ZGPAT: variants seen among roughly 807,000 people sequenced by gnomAD.
ZGPAT encodes the protein zinc finger CCCH-type with G patch domain-containing protein.
Under a neutral mutation model 47.9 loss-of-function variants are expected in ZGPAT, and 39 were observed. The observed-to-expected ratio is 0.81, with a 90% CI of 0.63 to 1.06. The LOEUF is 1.06. ZGPAT is among the 50% of genes least tolerant of loss of function. ZGPAT has a pLI of 0.00. For missense variants in ZGPAT, 717 were observed against 681.4 expected (o/e 1.05, Z -0.58); for synonymous variants, 348 against 292.9 (o/e 1.19, Z -1.92).
chr20:63,714,043 G>A (rs377586504), intron 2 of ZGPAT, among the ~76,000 whole-genome samples: 56 of 152,156 alleles, frequency 3.7e-4, no homozygotes, highest in Non-Finnish European at 5.9e-4. Context: ...AGAGATAATT[G>A]TAGTCTTTGT....
At chr20:63,730,962 C>G (rs1029599616) in intron 2 of ZGPAT, among the ~76,000 whole-genome samples, 21 of 83,414 alleles carry the variant, frequency 2.5e-4, no homozygotes, top group African/African-American at 1.1e-3. Context: ...CTCTCTCTCT[C>G]TCTCTCTCTG....
chr20:63,727,057 C>A (rs978434206), intron 2 of ZGPAT, among the ~76,000 whole-genome samples: 1 of 152,076 alleles, frequency 6.6e-6, no homozygotes, highest in Non-Finnish European at 1.5e-5. Context: ...GGTGTACATT[C>A]TATGGACTTT....
Position 63,734,742 on chromosome 20 carries a change from C to G in ZGPAT, c.909C>G (p.Ser303Arg). The change falls in exon 5 of 7, where the codon AGC becomes AGG. Residue 303 changes from serine to arginine, a missense_variant. Ser to Arg is a moderately radical substitution (Grantham distance 110). Transcript: ENST00000355969. ...ATGCTGTGGACTCTGGGACCTGCAG[C>G]TCTGCCTTTGCTGGCTGGGAGGTGC... ...GSDAVDSGTC[S>R]SAFAGWEVHT... The G allele has an allele frequency of 6.2e-7, 1 of 1,614,062 alleles. No homozygotes were observed. Among genetic ancestry groups the G allele is most frequent in the Non-Finnish European group, 8.5e-7 (1 of 1,179,954 alleles).
intron 2 of ZGPAT, among the ~76,000 whole-genome samples, chr20:63,715,855 G>A (rs1288524318): frequency 6.6e-6 from 1 of 152,038 alleles, no homozygotes; most frequent in East Asian, 1.9e-4. Context: ...GAGAGAGAGA[G>A]AGATGGACTT....
intron 2 of ZGPAT, among the ~76,000 whole-genome samples, chr20:63,732,400 CTGTG>C (rs1182722077): frequency 3.3e-4 from 41 of 122,670 alleles, no homozygotes; most frequent in African/African-American, 1.3e-3. Flanking sequence ...GGGTGAGGGC[CTGTG>C]TGTGCGTGTG....
Position 63,708,723 on chromosome 20 carries a change from A to G in ZGPAT, c.143A>G (p.Glu48Gly). ...CAGGGGGACCTGAAGGAGCTCATCG[A>G]GCTCACCGAGGCCAGCCTGGTGTCT... ...QLQGDLKELIELTEASLVSVR... is the reference protein window; with the variant it reads ...QLQGDLKELIGLTEASLVSVR... Residue 48 changes from glutamate to glycine, a missense_variant, in exon 2 of 7, where the codon GAG (glutamate) becomes GGG (glycine). Coordinates refer to ENST00000355969, the MANE Select transcript of ZGPAT (RefSeq NM_181485.3). 1 of 1,612,650 alleles carries G rather than the reference A, an allele frequency of 6.2e-7. No individual in the cohort carries two copies. Among genetic ancestry groups the G allele is most frequent in the South Asian group, 1.1e-5 (1 of 91,080 alleles).
At chr20:63,724,707 T>A (rs576042864) in intron 2 of ZGPAT, among the ~76,000 whole-genome samples, 1 of 143,512 alleles carries the variant, frequency 7.0e-6, no homozygotes, top group East Asian at 2.0e-4. Context: ...AAAGTCTCAC[T>A]GTGTTGCCCA....
intron 5 of ZGPAT, 99 bp downstream of exon 5, chr20:63,734,923 C>A: frequency 7.0e-7 from 1 of 1,427,608 alleles, no homozygotes; most frequent in South Asian, 1.5e-5. Context: ...ATCGGGTTCC[C>A]AGGGTCCCGC....
chr20:63,726,688 A>G (rs548270454), intron 2 of ZGPAT, among the ~76,000 whole-genome samples: 1 of 147,604 alleles, frequency 6.8e-6, no homozygotes, highest in South Asian at 2.2e-4. Flanking sequence ...ACACCTGGCT[A>G]AATAATTTTT....
chr20:63,726,368 T>A (rs1270747788), intron 2 of ZGPAT, among the ~76,000 whole-genome samples: 2 of 150,696 alleles, frequency 1.3e-5, no homozygotes, highest in Non-Finnish European at 3.0e-5. Context: ...CCAGCTAATT[T>A]TTTTGTATTT....
chr20:63,731,388 T>A (rs947556287), intron 2 of ZGPAT, among the ~76,000 whole-genome samples: 1 of 151,242 alleles, frequency 6.6e-6, no homozygotes, highest in Non-Finnish European at 1.5e-5. Flanking sequence ...GTGTAAAGTG[T>A]ACAGTTGGCC....
Position 63,733,713 on chromosome 20 carries a change from G to C in ZGPAT, c.845G>C (p.Gly282Ala). The C allele has an allele frequency of 6.2e-6, 10 of 1,613,408 alleles. No homozygotes were observed. The highest frequency in any genetic ancestry group is 8.5e-6 in the Non-Finnish European group (10 of 1,179,704). ...ACAGAGTCCGACTCAGACAGCGACG[G>C]TACGGGTGACTCCAGCTATGCCAGA... ...EATESDSDSD[G>A]TGDSSYARVV... The change falls in exon 4 of 7, where the codon GGT becomes GCT. Residue 282 changes from glycine (G) to alanine (A), a missense_variant. Gly to Ala is a moderately conservative substitution (Grantham distance 60). Coordinates refer to ENST00000355969, the MANE Select transcript of ZGPAT (RefSeq NM_181485.3).
At chr20:63,710,880 C>T (rs770764697) in intron 2 of ZGPAT, among the ~76,000 whole-genome samples, 58 of 152,156 alleles carry the variant, frequency 3.8e-4, no homozygotes, top group Non-Finnish European at 6.3e-4. Context: ...TTTCCCTAAG[C>T]GCATAGCTTT....
intron 1 of ZGPAT, 62 bp downstream of exon 1, chr20:63,708,180 G>A (rs2091588847): frequency 6.5e-6 from 1 of 153,158 alleles, no homozygotes; most frequent in Non-Finnish European, 1.5e-5. Context: ...GTGCCCGGCC[G>A]GGGACCAGGT....
At chr20:63,727,539 C>A (rs2091857429) in intron 2 of ZGPAT, among the ~76,000 whole-genome samples, 1 of 151,934 alleles carries the variant, frequency 6.6e-6, no homozygotes, top group African/African-American at 2.4e-5. Context: ...GGCGTAGTAG[C>A]TCACACCTGT....
At chr20:63,709,208 G>C (rs750623585) in intron 2 of ZGPAT, 44 bp downstream of exon 2, 1 of 1,595,304 alleles carries the variant, frequency 6.3e-7, no homozygotes, top group Non-Finnish European at 8.5e-7. Flanking sequence ...GGGCGTAAGG[G>C]GCACGCACAC....
rs948125131 is a variant in ZGPAT, at chr20:63,708,448, C to T, written c.-28-105C>T. On this transcript the variant is annotated intron_variant, in intron 1 of 6. Transcript: ENST00000355969. ...CTGCGCTGGGAGCTGTGCCTCTGAG[C>T]CGGTGTCTCCCCGAGGGAAAGGGGA... The T allele has an allele frequency of 1.9e-5, 15 of 781,886 alleles. No individual in the cohort carries two copies. In the African/African-American group the frequency reaches 2.5e-4, roughly 13 times the overall value. 48.4% of individuals were successfully genotyped at this position (781,886 alleles called of 1,614,324 possible). A position where few individuals can be genotyped will look rare whatever the true frequency, so the allele number is the denominator to read the frequency against.
intron 2 of ZGPAT, among the ~76,000 whole-genome samples, chr20:63,725,334 G>A (rs1243710633): frequency 1.3e-5 from 2 of 152,154 alleles, no homozygotes; most frequent in Non-Finnish European, 2.9e-5. Context: ...TGTTTATTTG[G>A]GAATGTCTTT....
chr20:63,721,926 T>C (rs1485067365), intron 2 of ZGPAT, among the ~76,000 whole-genome samples: 1 of 150,070 alleles, frequency 6.7e-6, no homozygotes, highest in Non-Finnish European at 1.5e-5. Context: ...AGCAGGAGAA[T>C]TGCTTGAGCC....
Sources: allele counts gnomAD v4.1 joint callset (sites outside exome capture counted in the v4.1 genomes callset), GRCh38; gene constraint gnomAD v4.1.1; transcripts MANE v1.5; gene names NCBI Gene and HGNC (gene_info 2026-07-23, HGNC 2026-07-21).